The following EEFSEC variants were observed in gnomAD, a reference collection of about 807,000 sequenced individuals.
EEFSEC encodes the protein selenocysteine-specific elongation factor.
Under a neutral mutation model 42.1 loss-of-function variants are expected in EEFSEC, and 43 were observed. The observed-to-expected ratio is 1.02, with a 90% CI of 0.80 to 1.32. EEFSEC has a LOEUF of 1.32. Ranked by LOEUF, EEFSEC falls within the 40% of genes most tolerant of loss-of-function variation. The pLI is 0.00. For missense variants in EEFSEC, 745 were observed against 803.6 expected, an observed-to-expected ratio of 0.93 and a Z score of 0.88; for synonymous variants, 354 against 339.1, an observed-to-expected ratio of 1.04 and a Z score of -0.48.
chr3:128,234,164 TGC>T (rs1304526160), intron 1 of EEFSEC, among the ~76,000 whole-genome samples: 1 of 152,110 alleles, frequency 6.6e-6, no homozygotes, highest in Non-Finnish European at 1.5e-5. Flanking sequence ...GCAATTCTCG[TGC>T]CTCAGCCTCC....
chr3:128,264,932 G>A lies in EEFSEC; in HGVS notation c.786+151G>A, dbSNP rs542990125. ...GCCCCACCTCCCCTCTGGCTGCCTG[G>A]CCCCGCCCGGCTCCAAGTCTTTCAA... On this transcript the variant is annotated intron_variant, in intron 4 of 6. Coordinates refer to ENST00000254730, the MANE Select transcript of EEFSEC (RefSeq NM_021937.5). The A allele has an allele frequency of 2.3e-5, 20 of 863,056 alleles. No homozygotes were observed. In the East Asian group the frequency reaches 4.6e-4, roughly 20 times the overall value. The allele number at this position is 863,056 out of a possible 1,614,324, so 53.5% of individuals were successfully genotyped here.
At chr3:128,361,748 T>G (rs1014913330) in intron 6 of EEFSEC, among the ~76,000 whole-genome samples, 1 of 152,134 alleles carries the variant, frequency 6.6e-6, no homozygotes, top group Non-Finnish European at 1.5e-5. Flanking sequence ...ACAAAACATC[T>G]CCCTTCAAAG....
chr3:128,414,467 G>A, the EEFSEC span, among the ~76,000 whole-genome samples: 1 of 152,174 alleles, frequency 6.6e-6, no homozygotes. Context: ...CAGAGGCCCA[G>A]GCAGAGGCCC....
rs911989944 is a variant in EEFSEC at position 128,317,380 on chromosome 3, G to A, written c.787-23853G>A. Among the ~76,000 whole-genome samples, 27 of 152,196 alleles carry A rather than the reference G, an allele frequency of 1.8e-4. No homozygotes were observed. Among genetic ancestry groups the A allele is most frequent in the African/African-American group, 6.5e-4 (27 of 41,448 alleles). On this transcript the variant is annotated intron_variant, in intron 4 of 6. Coordinates refer to ENST00000254730, the MANE Select transcript of EEFSEC (RefSeq NM_021937.5). The surrounding 1 kb of genome is among the most constrained non-coding windows in gnomAD (Gnocchi z 4.1). ...TGCTGGAGCTCAGACGCTCACTCTG[G>A]CCTTTCCTACCCTCAGCGTGTGCTT...
chr3:128,380,869 G>T (rs1029766636), intron 6 of EEFSEC, among the ~76,000 whole-genome samples: 5 of 152,192 alleles, frequency 3.3e-5, no homozygotes, highest in African/African-American at 1.2e-4. Flanking sequence ...GGTGGAGGGG[G>T]CCCCAATGGT....
At chr3:128,323,504 C>T (rs974556895) in intron 4 of EEFSEC, among the ~76,000 whole-genome samples, 1 of 152,162 alleles carries the variant, frequency 6.6e-6, no homozygotes, top group Non-Finnish European at 1.5e-5. Flanking sequence ...GCTTCCCTGC[C>T]CTCCCAGCCC....
chr3:128,393,408 A>G (rs1354712099), intron 6 of EEFSEC, among the ~76,000 whole-genome samples: 1 of 152,198 alleles, frequency 6.6e-6, no homozygotes, highest in East Asian at 1.9e-4. Context: ...CTGCAGAAAC[A>G]TGAACACCAG....
At chr3:128,416,388 C>T in the EEFSEC span, among the ~76,000 whole-genome samples, 2 of 152,184 alleles carry the variant, frequency 1.3e-5, no homozygotes, top group African/African-American at 4.8e-5. Flanking sequence ...ACCTCAGCCC[C>T]GCCCAGCTCC....
At chr3:128,293,681 A>AAAAC (rs1480529256) in intron 4 of EEFSEC, among the ~76,000 whole-genome samples, 7 of 149,188 alleles carry the variant, frequency 4.7e-5, no homozygotes, top group Non-Finnish European at 5.9e-5. Flanking sequence ...AAAAAAAAAA[A>AAAAC]AAAAAACTTC....
chr3:128,194,091 C>T (rs970035889), intron 1 of EEFSEC, among the ~76,000 whole-genome samples: 1 of 152,194 alleles, frequency 6.6e-6, no homozygotes, highest in Non-Finnish European at 1.5e-5. Flanking sequence ...CCCAATATTC[C>T]TGGTGTGGAG....
chr3:128,154,215 G>A (rs897033949), intron 1 of EEFSEC, among the ~76,000 whole-genome samples: 5 of 152,050 alleles, frequency 3.3e-5, no homozygotes, highest in African/African-American at 7.2e-5. Flanking sequence ...TCTGATTCCC[G>A]TTCCTAGAGC....
chr3:128,295,569 C>T (rs1157824644), intron 4 of EEFSEC, among the ~76,000 whole-genome samples: 3 of 144,162 alleles, frequency 2.1e-5, no homozygotes, highest in Non-Finnish European at 4.5e-5. Context: ...TAAACAATTC[C>T]AGGGCCTTCC....
intron 6 of EEFSEC, among the ~76,000 whole-genome samples, chr3:128,405,017 CT>C (rs397794836): frequency 0.019 from 2,693 of 140,318 alleles, 35 homozygotes; most frequent in African/African-American, 0.04. Flanking sequence ...ACCCTTGTCA[CT>C]TTTTTTTTTT....
intron 1 of EEFSEC, among the ~76,000 whole-genome samples, chr3:128,173,659 G>C (rs893605216): frequency 2.0e-5 from 3 of 152,076 alleles, no homozygotes; most frequent in Admixed American, 2.0e-4. Flanking sequence ...CTCCTTATCG[G>C]TTCCCCTACT....
At chr3:128,160,456 G>A (rs2065172695) in intron 1 of EEFSEC, among the ~76,000 whole-genome samples, 1 of 152,170 alleles carries the variant, frequency 6.6e-6, no homozygotes, top group African/African-American at 2.4e-5. Flanking sequence ...ATGGCCCTTA[G>A]TGTAGATTTT....
intron 4 of EEFSEC, among the ~76,000 whole-genome samples, chr3:128,339,282 G>T (rs1440128409): frequency 6.6e-6 from 1 of 152,124 alleles, no homozygotes; most frequent in African/African-American, 2.4e-5. Flanking sequence ...TCCAGGAAAG[G>T]TCCTGGGCTC....
At chr3:128,350,041 G>C (rs547873528) in intron 5 of EEFSEC, among the ~76,000 whole-genome samples, 1 of 152,238 alleles carries the variant, frequency 6.6e-6, no homozygotes, top group African/African-American at 2.4e-5. Flanking sequence ...CACTGGCGCC[G>C]GTCAGGGAAG....
At chr3:128,269,675 A>G (rs78661853) in intron 4 of EEFSEC, among the ~76,000 whole-genome samples, 4,167 of 152,314 alleles carry the variant, frequency 0.027, 210 homozygotes, top group African/African-American at 0.094. Flanking sequence ...TCTGTTGCCC[A>G]GGTCTGTTCC....
At chr3:128,349,254 G>A (rs565660492) in intron 5 of EEFSEC, among the ~76,000 whole-genome samples, 1 of 152,176 alleles carries the variant, frequency 6.6e-6, no homozygotes, top group South Asian at 2.1e-4. Flanking sequence ...GCAGGTTGGG[G>A]GCTATGGGGG....
Sources: gnomAD v4.1 joint callset for allele counts (sites outside exome capture counted in the v4.1 genomes callset) on GRCh38, gnomAD v4.1.1 for gene constraint, Gnocchi (gnomAD v3.1) non-coding constraint, MANE v1.5 for transcripts, NCBI Gene and HGNC (gene_info 2026-07-23, HGNC 2026-07-21) for gene names.